ADGRV1: variants seen among roughly 807,000 people sequenced by gnomAD.
ADGRV1 encodes adhesion G protein-coupled receptor V1.
ADGRV1 carries 359 observed loss-of-function variants against 596.2 expected under a neutral mutation model. That is an observed-to-expected ratio of 0.60 (90% confidence interval 0.55 to 0.66). The LOEUF (loss-of-function observed/expected upper bound fraction) is 0.66. ADGRV1 is among the 30% of genes least tolerant of loss of function. The probability of loss-of-function intolerance (pLI) is 0.00; values close to 1 mark genes in which losing one functional copy is unlikely to be tolerated. For missense variants in ADGRV1, 7,274 were observed against 7,575.6 expected (o/e 0.96, Z 1.48); for synonymous variants, 2,681 against 2,679.2 (o/e 1.00, Z -0.02).
chr5:91,055,822 G>C (rs1786792557), intron 85 of ADGRV1, among the ~76,000 whole-genome samples: 1 of 152,094 alleles, frequency 6.6e-6, no homozygotes, highest in African/African-American at 2.4e-5. Context: ...TTTAGAGGTT[G>C]GTGCAAAAGT....
intron 21 of ADGRV1, among the ~76,000 whole-genome samples, chr5:90,660,080 G>A (rs1770042749): frequency 6.6e-6 from 1 of 151,828 alleles, no homozygotes; most frequent in Non-Finnish European, 1.5e-5. Flanking sequence ...GATTGCAAGA[G>A]GAGCTAGGAG....
chr5:90,976,320 GTGTATATATATA>G (rs1334429045), intron 84 of ADGRV1, among the ~76,000 whole-genome samples: 4 of 110,410 alleles, frequency 3.6e-5, no homozygotes, highest in African/African-American at 1.4e-4. Flanking sequence ...GTGTGTGTGT[GTGTATATATATA>G]TATATATATA....
At chr5:90,784,837 A>T (rs1381756068) in intron 67 of ADGRV1, among the ~76,000 whole-genome samples, 1 of 152,230 alleles carries the variant, frequency 6.6e-6, no homozygotes, top group Non-Finnish European at 1.5e-5. Context: ...GAAAATGGCC[A>T]TACTGCCTAA....
At chr5:90,677,557 AAG>A (rs1448280831) in intron 25 of ADGRV1, among the ~76,000 whole-genome samples, 1 of 152,212 alleles carries the variant, frequency 6.6e-6, no homozygotes, top group East Asian at 1.9e-4. Context: ...ATGTAATAGA[AAG>A]AGAAAATGTT....
intron 85 of ADGRV1, among the ~76,000 whole-genome samples, chr5:90,996,557 G>A (rs1030113721): frequency 1.3e-5 from 2 of 152,140 alleles, no homozygotes; most frequent in Non-Finnish European, 2.9e-5. Context: ...CCTTTACTAG[G>A]GCAGTACAGA....
intron 83 of ADGRV1, among the ~76,000 whole-genome samples, chr5:90,922,939 T>A (rs959529244): frequency 6.6e-6 from 1 of 152,112 alleles, no homozygotes; most frequent in African/African-American, 2.4e-5. Flanking sequence ...CTCAAAACCT[T>A]CCACAGAGTA....
intron 23 of ADGRV1, chr5:90,674,530 C>G (rs1427199723): frequency 2.9e-5 from 6 of 207,740 alleles, no homozygotes; most frequent in Non-Finnish European, 3.8e-5. Flanking sequence ...TAATAATTAT[C>G]CTATGGTGAT....
In ADGRV1 at chr5:90,721,567, A is replaced by AAAAT. The variant is rs1561595278; in HGVS notation, c.9748+512_9748+515dup. Reference sequence around the variant, plus strand: ...AAAATAAAATAAAATAAAATAAAATAAAATAAAATAAAATAAAATAAAATA... The same window carrying AAAAT: ...AAAATAAAATAAAATAAAATAAAATAAAATAAATAAAATAAAATAAAATAAAATA... On this transcript the variant is annotated intron_variant, in intron 45 of 89. Coordinates refer to ENST00000405460, the MANE Select transcript of ADGRV1 (RefSeq NM_032119.4). Among the ~76,000 whole-genome samples the AAAAT allele has an allele frequency of 6.0e-4, 46 of 76,134 alleles. 4 individuals carry two copies. The highest frequency in any genetic ancestry group is 4.2e-3 in the East Asian group (7 of 1,682). The allele number at this position is 76,134 out of a possible 152,430, so 49.9% of individuals were successfully genotyped here.
intron 86 of ADGRV1, among the ~76,000 whole-genome samples, chr5:91,095,345 A>G (rs1424390287): frequency 2.0e-5 from 3 of 151,978 alleles, no homozygotes; most frequent in Non-Finnish European, 4.4e-5. Context: ...GACTACAGGC[A>G]TGCGCTTCCA....
rs960576215 is a variant in ADGRV1, at chr5:91,048,064, C to T, written c.18153-24383C>T. On this transcript the variant is annotated intron_variant, in intron 85 of 89. Coordinates refer to ENST00000405460, the MANE Select transcript of ADGRV1 (RefSeq NM_032119.4). ...AGAGCGTGTGGTTAGCCTCTTTTTC[C>T]CTGCCTCTTTACACTTCTGCTAATT... is the stretch of plus-strand genomic sequence containing the variant. Among the ~76,000 whole-genome samples the T allele has an allele frequency of 5.9e-5, 9 of 151,844 alleles. No homozygotes were observed. The East Asian group carries it at 1.5e-3, about 26-fold the overall frequency.
At chr5:90,681,562 G>T in intron 27 of ADGRV1, 108 bp downstream of exon 27, 1 of 1,071,682 alleles carries the variant, frequency 9.3e-7, no homozygotes, top group South Asian at 2.1e-5. Flanking sequence ...TAGGCTGAGG[G>T]GAATGAGCCT....
At chr5:90,927,363 G>A (rs1053465235) in intron 83 of ADGRV1, among the ~76,000 whole-genome samples, 1 of 152,062 alleles carries the variant, frequency 6.6e-6, no homozygotes, top group Non-Finnish European at 1.5e-5. Flanking sequence ...TCTTGTTGTT[G>A]AATTGATCCC....
intron 1 of ADGRV1, among the ~76,000 whole-genome samples, chr5:90,580,266 T>C (rs1757830029): frequency 1.3e-5 from 2 of 152,220 alleles, no homozygotes; most frequent in South Asian, 2.1e-4. Context: ...TTCCTTTCCA[T>C]GTTTAGTGGT....
At chr5:91,135,887 A>G (rs1794589876) in intron 87 of ADGRV1, among the ~76,000 whole-genome samples, 2 of 152,314 alleles carry the variant, frequency 1.3e-5, no homozygotes, top group African/African-American at 4.8e-5. Context: ...TGGGGAGGCC[A>G]GAGAAGCATC....
chr5:90,559,261 C>T (rs1754495942), intron 1 of ADGRV1, among the ~76,000 whole-genome samples: 1 of 152,124 alleles, frequency 6.6e-6, no homozygotes, highest in Non-Finnish European at 1.5e-5. Context: ...AAACCGGAAC[C>T]CTACCTAGCT....
At position 90,716,604 on chromosome 5, in the gene ADGRV1, G is replaced by A; in HGVS notation, c.9322G>A (p.Ala3108Thr). 1 of 1,613,826 alleles carries A rather than the reference G, an allele frequency of 6.2e-7. No homozygotes were observed. Among genetic ancestry groups the A allele is most frequent in the Non-Finnish European group, 8.5e-7 (1 of 1,179,800 alleles). The change falls in exon 43 of 90, where the codon GCA becomes ACA. Residue 3108 changes from alanine (A) to threonine (T), a missense_variant. Coordinates refer to ENST00000405460, the MANE Select transcript of ADGRV1 (RefSeq NM_032119.4). ...VAVLYIVREP[A>T]QGLFGTVTVQ... ...AGTATTGTACATTGTTCGGGAACCT[G>A]CACAAGGATTGTTTGGAACAGTGAC... is the stretch of plus-strand genomic sequence containing the variant.
intron 30 of ADGRV1, 140 bp from the exon 31 acceptor site, chr5:90,690,657 A>G: frequency 4.9e-6 from 4 of 820,812 alleles, no homozygotes; most frequent in Non-Finnish European, 5.6e-6. Flanking sequence ...GTATCACAGC[A>G]TGTTACTCTG....
chr5:91,054,096 T>TGAGAGAGAGAGA (rs1456077883), intron 85 of ADGRV1, among the ~76,000 whole-genome samples: 1 of 122,010 alleles, frequency 8.2e-6, no homozygotes, highest in African/African-American at 3.4e-5. Flanking sequence ...TGTGTGTGTG[T>TGAGAGAGAGAGA]GTGTGTGAGA....
intron 26 of ADGRV1, among the ~76,000 whole-genome samples, chr5:90,680,359 A>C (rs79719265): frequency 2.1e-5 from 3 of 146,338 alleles, no homozygotes; most frequent in Admixed American, 1.4e-4. Flanking sequence ...TGTATCAAAG[A>C]AAAAAAAAAA....
Sources: allele counts gnomAD v4.1 joint callset (sites outside exome capture counted in the v4.1 genomes callset), GRCh38; gene constraint gnomAD v4.1.1; transcripts MANE v1.5; gene names NCBI Gene and HGNC (gene_info 2026-07-23, HGNC 2026-07-21).